The following ADAMTS17 variants were observed in gnomAD, a reference collection of about 807,000 sequenced individuals.
ADAMTS17 encodes A disintegrin and metalloproteinase with thrombospondin motifs 17.
In ADAMTS17, 113 loss-of-function variants were observed where a neutral mutation model predicts 141.5. The observed-to-expected ratio is 0.80, with a 90% CI of 0.69 to 0.93. The LOEUF is 0.93. ADAMTS17 is among the 40% of genes least tolerant of loss of function. ADAMTS17 has a pLI of 0.00. For missense variants in ADAMTS17, 1,659 were observed against 1,517.9 expected, an observed-to-expected ratio of 1.09 and a Z score of -1.54; for synonymous variants, 768 against 630.6, an observed-to-expected ratio of 1.22 and a Z score of -3.27.
intron 18 of ADAMTS17, among the ~76,000 whole-genome samples, chr15:99,999,429 TGGGA>T (rs1199288793): frequency 6.6e-6 from 1 of 151,946 alleles, no homozygotes; most frequent in South Asian, 2.1e-4. Flanking sequence ...CAGGAGAGCC[TGGGA>T]GGAAGTGAGC....
At chr15:99,986,152 G>A (rs542836042) in intron 20 of ADAMTS17, among the ~76,000 whole-genome samples, 83 of 151,868 alleles carry the variant, frequency 5.5e-4, no homozygotes, top group African/African-American at 1.7e-3. Flanking sequence ...GGCCTTGCAG[G>A]GTGGGGCAGG....
chr15:100,295,301 A>C (rs1435994177), intron 3 of ADAMTS17, among the ~76,000 whole-genome samples: 2 of 152,110 alleles, frequency 1.3e-5, no homozygotes, highest in Non-Finnish European at 2.9e-5. Flanking sequence ...TGGGGCTGGC[A>C]GCCTAACTAT....
chr15:100,216,228 T>A (rs1021346005), intron 7 of ADAMTS17, among the ~76,000 whole-genome samples: 1 of 152,238 alleles, frequency 6.6e-6, no homozygotes, highest in African/African-American at 2.4e-5. Flanking sequence ...GAGTAAACCC[T>A]GAACAAATAT....
intron 14 of ADAMTS17, among the ~76,000 whole-genome samples, chr15:100,106,483 G>T (rs896382322): frequency 6.6e-6 from 1 of 152,194 alleles, no homozygotes; most frequent in Non-Finnish European, 1.5e-5. Flanking sequence ...GTCATAGTAT[G>T]GAACATCCTC....
intron 8 of ADAMTS17, among the ~76,000 whole-genome samples, chr15:100,156,518 T>A (rs995396408): frequency 6.6e-6 from 1 of 152,222 alleles, no homozygotes; most frequent in African/African-American, 2.4e-5. Flanking sequence ...CACATGTGAC[T>A]TCCCCCGTCA....
intron 7 of ADAMTS17, among the ~76,000 whole-genome samples, chr15:100,209,139 A>G (rs56804613): frequency 4.9e-5 from 5 of 102,498 alleles, no homozygotes; most frequent in Non-Finnish European, 1.0e-4. Flanking sequence ...AAAAAGGAAG[A>G]AAGAAAGAAA....
intron 20 of ADAMTS17, among the ~76,000 whole-genome samples, chr15:99,983,055 A>G (rs558916272): frequency 1.6e-4 from 24 of 152,326 alleles, no homozygotes; most frequent in African/African-American, 5.3e-4. Flanking sequence ...TCCTTTAGGT[A>G]GAGTTTCCGG....
At chr15:100,319,518 G>A (rs2045664338) in intron 3 of ADAMTS17, among the ~76,000 whole-genome samples, 1 of 152,136 alleles carries the variant, frequency 6.6e-6, no homozygotes, top group Non-Finnish European at 1.5e-5. Flanking sequence ...AGAACAGCCT[G>A]GCCAACATGG....
At chr15:100,036,356 A>C (rs2030713969) in intron 18 of ADAMTS17, among the ~76,000 whole-genome samples, 1 of 152,208 alleles carries the variant, frequency 6.6e-6, no homozygotes. Context: ...AAGGGGTGAG[A>C]GAAGCAGCCC....
intron 18 of ADAMTS17, among the ~76,000 whole-genome samples, chr15:100,042,169 A>G (rs868442684): frequency 6.6e-6 from 1 of 152,080 alleles, no homozygotes; most frequent in Middle Eastern, 3.4e-3. Context: ...AATCTCCCCG[A>G]TTTTCTGGCA....
At chr15:100,058,592 C>T (rs2032844875) in intron 15 of ADAMTS17, among the ~76,000 whole-genome samples, 1 of 152,254 alleles carries the variant, frequency 6.6e-6, no homozygotes, top group African/African-American at 2.4e-5. Flanking sequence ...AGACCATCCT[C>T]AGAAACGCTG....
At chr15:100,116,453 G>A (rs904152708) in intron 13 of ADAMTS17, among the ~76,000 whole-genome samples, 1 of 152,246 alleles carries the variant, frequency 6.6e-6, no homozygotes, top group African/African-American at 2.4e-5. Flanking sequence ...GCAATACAGG[G>A]ATCATCCACA....
At chr15:100,061,323 T>C (rs1184036698) in intron 15 of ADAMTS17, among the ~76,000 whole-genome samples, 1 of 152,120 alleles carries the variant, frequency 6.6e-6, no homozygotes, top group East Asian at 1.9e-4. Flanking sequence ...CTTGCCCCTC[T>C]AAGAAGGAAG....
rs2060833265 is a variant in ADAMTS17 at position 99,997,688 on chromosome 15, GGAGA to G, written c.2592-103_2592-100del. The G allele has an allele frequency of 6.9e-7, 1 of 1,458,174 alleles. No homozygotes were observed. The highest frequency in any genetic ancestry group is 9.5e-7 in the Non-Finnish European group (1 of 1,050,592). The allele number at this position is 1,458,174 out of a possible 1,614,324, so 90.3% of individuals were successfully genotyped here. A position where few individuals can be genotyped will look rare whatever the true frequency, so the allele number is the denominator to read the frequency against. ...ATCCTGGAATTGCTGCCCTGTGGTG[GGAGA>G]GAGGGAGGCAGACTCAGGAAGCTTT... On this transcript the variant is annotated intron_variant, in intron 18 of 21. Transcript: ENST00000268070. The surrounding 1 kb of genome is among the most constrained non-coding windows in gnomAD (Gnocchi z 4.7).
chr15:100,299,134 G>A (rs1166791052), intron 3 of ADAMTS17, among the ~76,000 whole-genome samples: 1 of 152,012 alleles, frequency 6.6e-6, no homozygotes, highest in Non-Finnish European at 1.5e-5. Context: ...GACCCCATCT[G>A]CAAAAACAGT....
intron 12 of ADAMTS17, among the ~76,000 whole-genome samples, chr15:100,127,143 G>T (rs539233668): frequency 6.6e-6 from 1 of 152,286 alleles, no homozygotes; most frequent in South Asian, 2.1e-4. Flanking sequence ...GGCTGCAGGG[G>T]GCTGAACGGT....
chr15:100,165,692 G>A (rs1041039458), intron 8 of ADAMTS17, among the ~76,000 whole-genome samples: 4 of 152,210 alleles, frequency 2.6e-5, no homozygotes, highest in Non-Finnish European at 5.9e-5. Flanking sequence ...TGCTAAAGCT[G>A]ATTCCAGTTA....
intron 7 of ADAMTS17, among the ~76,000 whole-genome samples, chr15:100,206,967 G>A (rs2041594581): frequency 6.6e-6 from 1 of 152,224 alleles, no homozygotes; most frequent in Admixed American, 6.5e-5. Flanking sequence ...CAGGAAGAAG[G>A]CAGAGTAGGG....
rs1015455784 is a variant in ADAMTS17, at chr15:99,972,770, C to T, written c.*1632G>A. 1.3e-5 allele frequency: 2 copies of T among 152,192 alleles called. No homozygotes were observed. The highest frequency in any genetic ancestry group is 2.9e-5 in the Non-Finnish European group (2 of 68,030). 9.4% of individuals were successfully genotyped at this position (152,192 alleles called of 1,614,324 possible). Reference sequence around the variant, plus strand: ...CCCTGACATCCCTACCGCTTCTCTGCCTCTAGGGTAGTAAAAACAAAAACA... The same window carrying T: ...CCCTGACATCCCTACCGCTTCTCTGTCTCTAGGGTAGTAAAAACAAAAACA... On this transcript the variant is annotated 3_prime_UTR_variant, in exon 22 of 22. Transcript: ENST00000268070.
Sources: gnomAD v4.1 joint callset for allele counts (sites outside exome capture counted in the v4.1 genomes callset) on GRCh38, gnomAD v4.1.1 for gene constraint, Gnocchi (gnomAD v3.1) non-coding constraint, MANE v1.5 for transcripts, NCBI Gene and HGNC (gene_info 2026-07-23, HGNC 2026-07-21) for gene names.